Variants in MCPH1 observed in about 807,000 individuals in gnomAD.
MCPH1 encodes the protein microcephalin 1, also known as microcephalin.
MCPH1 carries 104 observed loss-of-function variants against 84.5 expected under a neutral mutation model. The observed-to-expected ratio is 1.23, with a 90% CI of 1.05 to 1.45. The LOEUF (loss-of-function observed/expected upper bound fraction) is 1.45. Among genes scored for constraint, MCPH1 ranks in the 40% most tolerant of loss-of-function variants. The pLI is 0.00. For synonymous variants in MCPH1, 514 were observed against 366.8 expected, an observed-to-expected ratio of 1.40 and a Z score of -4.58; for missense variants, 1,498 against 1,005.7, an observed-to-expected ratio of 1.49 and a Z score of -6.62.
At chr8:6,432,124 T>C (rs7007740) in intron 4 of MCPH1, among the ~76,000 whole-genome samples, 10,291 of 152,248 alleles carry the variant, frequency 0.068, 864 homozygotes, top group African/African-American at 0.2. Flanking sequence ...ACACAAATCC[T>C]CCCGTATACC....
At chr8:6,620,735 C>G (rs113773492) in intron 12 of MCPH1, among the ~76,000 whole-genome samples, 1 of 152,162 alleles carries the variant, frequency 6.6e-6, no homozygotes, top group Non-Finnish European at 1.5e-5. Flanking sequence ...TAGGAAAATG[C>G]GTGTTCAGAA....
At chr8:6,582,467 G>GAC (rs1311254824) in intron 12 of MCPH1, among the ~76,000 whole-genome samples, 1 of 152,208 alleles carries the variant, frequency 6.6e-6, no homozygotes, top group Non-Finnish European at 1.5e-5. Flanking sequence ...TTTAACCTCA[G>GAC]ACACACAGAA....
In MCPH1 at chr8:6,445,066, TAAG is replaced by T. The variant is rs1178624570; in HGVS notation, c.1348_1350del (p.Lys450del). 8 of 1,614,120 alleles carry T rather than the reference TAAG, an allele frequency of 5.0e-6. No individual in the cohort carries two copies. The highest frequency in any genetic ancestry group is 1.7e-5 in the Admixed American group (1 of 60,014). ...CTCAGTTGAGCTGCAGAAGTCTTTC[TAAG>T]AAGGAGAGAACAAGCATATTTGAAA... On this transcript the variant is annotated inframe_deletion, in exon 8 of 14. Transcript: ENST00000344683.
intron 3 of MCPH1, among the ~76,000 whole-genome samples, chr8:6,428,626 C>G (rs1288098503): frequency 6.6e-6 from 1 of 152,242 alleles, no homozygotes; most frequent in Non-Finnish European, 1.5e-5. Flanking sequence ...ATACGGCCTT[C>G]ATGTCTGGCT....
chr8:6,439,013 T>C lies in MCPH1; in HGVS notation c.497T>C (p.Ile166Thr), dbSNP rs765620307. The C allele has an allele frequency of 2.5e-6, 4 of 1,611,284 alleles. No individual in the cohort carries two copies. In the South Asian group the frequency reaches 4.4e-5, roughly 18 times the overall value. ...SNGSLIYTPT[I>T]EINSRHHSAM... ...GGTTCATTAATATATACTCCCACAATTGAAATTAATAGTAGGCACCACAGC... is the reference window on the plus strand; with the variant it reads ...GGTTCATTAATATATACTCCCACAACTGAAATTAATAGTAGGCACCACAGC... Residue 166 changes from isoleucine to threonine, a missense_variant, in exon 6 of 14, where the codon ATT (isoleucine) becomes ACT (threonine). Physicochemically the swap from Ile to Thr is moderately conservative, Grantham distance 89 (BLOSUM62 -1). Coordinates refer to ENST00000344683, the MANE Select transcript of MCPH1 (RefSeq NM_024596.5).
rs75859415 is a variant in MCPH1, at chr8:6,569,637, G to A, written c.2215-51817G>A. Among the ~76,000 whole-genome samples the A allele has an allele frequency of 5.5e-3, 838 of 152,346 alleles. 11 individuals carry two copies. Among genetic ancestry groups the A allele is most frequent in the East Asian group, 0.049 (255 of 5,192 alleles). On this transcript the variant is annotated intron_variant, in intron 12 of 13. Coordinates refer to ENST00000344683, the MANE Select transcript of MCPH1 (RefSeq NM_024596.5). ...AGGAAATCAAGGCTCCGTGAAGAGA[G>A]AGACAAGAATTCCCTTAGCCAAGTG...
chr8:6,579,233 G>C (rs1827358030), intron 12 of MCPH1, among the ~76,000 whole-genome samples: 1 of 152,240 alleles, frequency 6.6e-6, no homozygotes. Flanking sequence ...TATTTGGAGA[G>C]TGAAGTGACA....
At chr8:6,465,728 A>T (rs529429621) in intron 9 of MCPH1, among the ~76,000 whole-genome samples, 192 of 152,192 alleles carry the variant, frequency 1.3e-3, no homozygotes, top group South Asian at 5.0e-3. Context: ...GACATCAGAG[A>T]CTCATGTTAA....
intron 12 of MCPH1, among the ~76,000 whole-genome samples, chr8:6,550,821 T>C (rs556972219): frequency 2.0e-5 from 3 of 152,320 alleles, no homozygotes; most frequent in Non-Finnish European, 2.9e-5. Context: ...AGTGAGACGA[T>C]GTAAGCACAT....
intron 12 of MCPH1, among the ~76,000 whole-genome samples, chr8:6,600,036 C>T (rs935114582): frequency 6.6e-6 from 1 of 152,088 alleles, no homozygotes. Context: ...AATAAAGTAA[C>T]CTTTTCCCCA....
chr8:6,468,656 T>TG (rs1368389782), intron 9 of MCPH1, among the ~76,000 whole-genome samples: 1 of 151,784 alleles, frequency 6.6e-6, no homozygotes, highest in East Asian at 1.9e-4. Flanking sequence ...GTTTTTTTTT[T>TG]TTTTTGCTAT....
At chr8:6,411,339 C>G (rs752241748) in intron 2 of MCPH1, among the ~76,000 whole-genome samples, 6 of 152,116 alleles carry the variant, frequency 3.9e-5, no homozygotes, top group Non-Finnish European at 5.9e-5. Flanking sequence ...AGTAGTATGA[C>G]TTGCAGCTAT....
chr8:6,569,741 A>G (rs1024326753), intron 12 of MCPH1, among the ~76,000 whole-genome samples: 10 of 152,326 alleles, frequency 6.6e-5, no homozygotes, highest in Non-Finnish European at 1.3e-4. Context: ...CCTCTTTAAC[A>G]TGGCAAATAC....
chr8:6,579,757 G>C (rs918394087), intron 12 of MCPH1, among the ~76,000 whole-genome samples: 1 of 152,174 alleles, frequency 6.6e-6, no homozygotes, highest in East Asian at 1.9e-4. Flanking sequence ...CCCAAAGCAC[G>C]TGTCGCCAGA....
At chr8:6,582,327 A>T (rs549497270) in intron 12 of MCPH1, among the ~76,000 whole-genome samples, 46 of 152,194 alleles carry the variant, frequency 3.0e-4, no homozygotes, top group Non-Finnish European at 5.3e-4. Flanking sequence ...TCCTCATAGT[A>T]ACTCTTCAAC....
intron 9 of MCPH1, among the ~76,000 whole-genome samples, chr8:6,476,560 A>C (rs1808485525): frequency 6.6e-6 from 1 of 152,224 alleles, no homozygotes. Flanking sequence ...ACCAAAGTAG[A>C]AAAGCAGACA....
chr8:6,480,789 G>C lies in MCPH1; in HGVS notation c.2049G>C (p.Thr683=). Reference sequence around the variant, plus strand: ...TTGCACCAGACGTCTGTGAGACCACGACTCACGTGCTTTCCGGGAAGCCAC... The same window carrying C: ...TTGCACCAGACGTCTGTGAGACCACCACTCACGTGCTTTCCGGGAAGCCAC... ...FSIAPDVCET[T]THVLSGKPLR... The change falls in exon 11 of 14, where the codon ACG becomes ACC. Residue 683 remains threonine (T), a synonymous_variant. Transcript: ENST00000344683. 6.2e-7 allele frequency: 1 copy of C among 1,614,182 alleles called. No individual in the cohort carries two copies. Among genetic ancestry groups the C allele is most frequent in the Non-Finnish European group, 8.5e-7 (1 of 1,180,036 alleles).
chr8:6,483,383 A>G (rs1288614120), intron 11 of MCPH1, among the ~76,000 whole-genome samples: 1 of 152,230 alleles, frequency 6.6e-6, no homozygotes, highest in African/African-American at 2.4e-5. Context: ...TTAGAAAGGA[A>G]AGAACAAGGA....
intron 2 of MCPH1, among the ~76,000 whole-genome samples, chr8:6,412,924 G>A (rs1798741755): frequency 6.6e-6 from 1 of 152,152 alleles, no homozygotes; most frequent in Non-Finnish European, 1.5e-5. Context: ...AACCAGCAAC[G>A]CTTTGCAGTA....
Sources: allele counts gnomAD v4.1 joint callset (sites outside exome capture counted in the v4.1 genomes callset), GRCh38; gene constraint gnomAD v4.1.1; transcripts MANE v1.5; gene names NCBI Gene and HGNC (gene_info 2026-07-23, HGNC 2026-07-21).